LCOR: variants seen among roughly 807,000 people sequenced by gnomAD.
LCOR encodes the protein ligand dependent nuclear receptor corepressor.
A neutral mutation model predicts 64.4 loss-of-function variants in LCOR; 14 were observed. The ratio of observed to expected loss-of-function variants is 0.22; its 90% confidence interval spans 0.14 to 0.34. The LOEUF is 0.34. Among genes scored for constraint, LCOR ranks in the 10% least tolerant of loss-of-function variants. LCOR has a pLI of 1.00. For synonymous variants in LCOR, 643 were observed against 642.5 expected, an observed-to-expected ratio of 1.00 and a Z score of -0.01; for missense variants, 1,686 against 1,765.3, an observed-to-expected ratio of 0.96 and a Z score of 0.80.
At chr10:96,846,849 C>T (rs565958778) in intron 2 of LCOR, among the ~76,000 whole-genome samples, 215 of 152,278 alleles carry the variant, frequency 1.4e-3, no homozygotes, top group African/African-American at 4.9e-3. Context: ...GTCCCCTTCT[C>T]CTTAGGAGAA....
intron 4 of LCOR, among the ~76,000 whole-genome samples, chr10:96,911,025 A>G (rs940874362): frequency 1.3e-5 from 2 of 152,048 alleles, no homozygotes; most frequent in Middle Eastern, 3.5e-3. Context: ...TAGAGAATGT[A>G]ATTGTAAGGG....
chr10:96,833,018 C>G, intron 1 of LCOR: 2 of 985,470 alleles, frequency 2.0e-6, no homozygotes, highest in East Asian at 2.3e-4. Flanking sequence ...CCCGGGTGCG[C>G]CTGACCGAGC....
At chr10:96,886,931 G>A (rs1239458757) in intron 2 of LCOR, among the ~76,000 whole-genome samples, 3 of 152,158 alleles carry the variant, frequency 2.0e-5, no homozygotes, top group East Asian at 3.8e-4. Context: ...GTAACTATTA[G>A]TTGTAACTTT....
intron 1 of LCOR, chr10:96,833,160 G>T (rs1371014065): frequency 1.9e-5 from 19 of 985,382 alleles, no homozygotes; most frequent in Admixed American, 6.1e-5. Context: ...GCGGGAGGAG[G>T]GGGTGGGACC....
At chr10:96,894,428 A>C (rs960165455) in intron 2 of LCOR, among the ~76,000 whole-genome samples, 2 of 152,244 alleles carry the variant, frequency 1.3e-5, no homozygotes, top group African/African-American at 4.8e-5. Context: ...AAGACAAAGA[A>C]AATCAAGGCC....
In LCOR at chr10:96,911,459, TAAAGAA is replaced by T. The variant is rs1445686356; in HGVS notation, c.-184+3715_-184+3720del. ...ATTAAAGGCATCCTAGTTTTATAAA[TAAAGAA>T]AAGGAAAGGGTCAGAGATGTTCAGT... On this transcript the variant is annotated intron_variant, in intron 4 of 7. Coordinates refer to ENST00000421806, the MANE Select transcript of LCOR (RefSeq NM_001346516.2). Among the ~76,000 whole-genome samples the T allele has an allele frequency of 2.0e-5, 3 of 152,110 alleles. No individual in the cohort carries two copies. In the East Asian group the frequency reaches 5.8e-4, roughly 29 times the overall value.
intron 7 of LCOR, among the ~76,000 whole-genome samples, chr10:96,970,550 T>C (rs919477460): frequency 6.6e-6 from 1 of 152,068 alleles, no homozygotes; most frequent in South Asian, 2.1e-4. Context: ...TTTTTCAAAT[T>C]GGGTTGACCA....
At position 96,984,899 on chromosome 10, in the gene LCOR, A is replaced by G; in HGVS notation, c.4439A>G (p.Lys1480Arg). Residue 1480 changes from lysine to arginine, a missense_variant, in exon 8 of 8, where the codon AAA (lysine) becomes AGA (arginine). Around this residue, in one of 3 missense-constraint regions of LCOR, gnomAD observed 1,293 missense variants for 1,410.4 expected, o/e 0.92. Coordinates refer to ENST00000421806, the MANE Select transcript of LCOR (RefSeq NM_001346516.2). ...AGGAAAGAAAAAGAGAATACAAACA[A>G]AAGGCCTTCCCAGTCTATTGCCTCG... The part of the protein sequence containing the change: ...PSRKEKENTN[K>R]RPSQSIASET... The G allele has an allele frequency of 6.2e-7, 1 of 1,613,792 alleles. No individual in the cohort carries two copies. The highest frequency in any genetic ancestry group is 1.7e-4 in the Middle Eastern group (1 of 6,060).
chr10:96,899,891 G>A (rs920443496), intron 2 of LCOR, among the ~76,000 whole-genome samples: 1 of 152,016 alleles, frequency 6.6e-6, no homozygotes, highest in African/African-American at 2.4e-5. Flanking sequence ...TTACCAAACA[G>A]GCATAGAGTA....
intron 2 of LCOR, among the ~76,000 whole-genome samples, chr10:96,855,745 C>CTTTTG (rs760497104): frequency 7.0e-6 from 1 of 143,682 alleles, no homozygotes; most frequent in Non-Finnish European, 1.5e-5. Context: ...CTGTCTAATG[C>CTTTTG]TTTTGTTTTG....
At chr10:96,843,058 T>C (rs1026138458) in intron 2 of LCOR, among the ~76,000 whole-genome samples, 1 of 152,236 alleles carries the variant, frequency 6.6e-6, no homozygotes, top group African/African-American at 2.4e-5. Context: ...TTTTTATTGT[T>C]GCCATTGCAT....
intron 2 of LCOR, among the ~76,000 whole-genome samples, chr10:96,885,416 C>CTT (rs1846325961): frequency 6.6e-6 from 1 of 152,096 alleles, no homozygotes; most frequent in Non-Finnish European, 1.5e-5. Flanking sequence ...GGCTTTCACT[C>CTT]TGTTTCCCAG....
At chr10:96,868,775 C>T (rs1846021415) in intron 2 of LCOR, among the ~76,000 whole-genome samples, 2 of 152,168 alleles carry the variant, frequency 1.3e-5, no homozygotes, top group Non-Finnish European at 2.9e-5. Context: ...TGTCCATCTC[C>T]TCCAAGTTTT....
Position 96,985,359 on chromosome 10 carries a change from G to A in LCOR, c.*225G>A. 1 of 476,448 alleles carries A rather than the reference G, an allele frequency of 2.1e-6. No homozygotes were observed. The highest frequency in any genetic ancestry group is 3.5e-6 in the Non-Finnish European group (1 of 287,838). 29.5% of individuals were successfully genotyped at this position (476,448 alleles called of 1,614,324 possible). A position where few individuals can be genotyped will look rare whatever the true frequency, so the allele number is the denominator to read the frequency against. The stretch of plus-strand genomic sequence containing the variant: ...ATATATTATATTCTGGTTGTTCCTT[G>A]GGTTTTAAACTTGGAACCAAGCAGT... On this transcript the variant is annotated 3_prime_UTR_variant, in exon 8 of 8. Coordinates refer to ENST00000421806, the MANE Select transcript of LCOR (RefSeq NM_001346516.2).
intron 2 of LCOR, among the ~76,000 whole-genome samples, chr10:96,900,167 A>T (rs765436249): frequency 2.1e-4 from 32 of 152,120 alleles, no homozygotes; most frequent in Non-Finnish European, 3.1e-4. Flanking sequence ...ATATCAATGG[A>T]CTCATAGTAT....
chr10:96,957,607 G>T, intron 7 of LCOR: 2 of 985,352 alleles, frequency 2.0e-6, no homozygotes, highest in Non-Finnish European at 2.4e-6. Context: ...TGGAGGGTTG[G>T]TTAGATTGAT....
intron 2 of LCOR, among the ~76,000 whole-genome samples, chr10:96,854,013 G>A (rs754058081): frequency 6.6e-6 from 1 of 152,102 alleles, no homozygotes; most frequent in African/African-American, 2.4e-5. Context: ...CCCTTGACAC[G>A]TGGGGATTAT....
chr10:96,909,924 A>G (rs2134455786), intron 4 of LCOR, among the ~76,000 whole-genome samples: 1 of 152,274 alleles, frequency 6.6e-6, no homozygotes, highest in South Asian at 2.1e-4. Context: ...AAGCCATTTA[A>G]TAGGAATTTT....
At chr10:96,949,984 T>C (rs1392948737) in intron 6 of LCOR, among the ~76,000 whole-genome samples, 2 of 152,224 alleles carry the variant, frequency 1.3e-5, no homozygotes, top group Non-Finnish European at 2.9e-5. Flanking sequence ...CTGAAGTTTA[T>C]TTTCTTCAGT....
Sources: allele counts gnomAD v4.1 joint callset (sites outside exome capture counted in the v4.1 genomes callset), GRCh38; gene constraint gnomAD v4.1.1; regional missense constraint gnomAD v4.1.1; transcripts MANE v1.5; gene names NCBI Gene and HGNC (gene_info 2026-07-23, HGNC 2026-07-21).